Variants in PARD3B observed in about 807,000 individuals in gnomAD.
The protein encoded by PARD3B is par-3 family cell polarity regulator beta.
A neutral mutation model predicts 130.2 loss-of-function variants in PARD3B; 103 were observed. That is an observed-to-expected ratio of 0.79 (90% CI 0.67 to 0.93). PARD3B has a LOEUF of 0.93. Among genes scored for constraint, PARD3B ranks in the 40% least tolerant of loss-of-function variants. PARD3B has a pLI of 0.00. For missense variants in PARD3B, 1,609 were observed against 1,499.2 expected, an observed-to-expected ratio of 1.07 and a Z score of -1.21; for synonymous variants, 583 against 553.2, an observed-to-expected ratio of 1.05 and a Z score of -0.76.
chr2:204,803,163 A>AAT (rs1553528189), intron 2 of PARD3B, among the ~76,000 whole-genome samples: 1,171 of 90,596 alleles, frequency 0.013, 12 homozygotes, highest in Middle Eastern at 0.036. Context: ...AAAAAAAAAA[A>AAT]ATATATATAT....
At chr2:204,783,474 C>T (rs1168379036) in intron 2 of PARD3B, among the ~76,000 whole-genome samples, 2 of 152,100 alleles carry the variant, frequency 1.3e-5, no homozygotes, top group Non-Finnish European at 2.9e-5. Context: ...CCTCAAGGGC[C>T]TATCTCCAGA....
At chr2:205,596,519 A>G (rs951194791) in intron 22 of PARD3B, among the ~76,000 whole-genome samples, 1 of 152,184 alleles carries the variant, frequency 6.6e-6, no homozygotes, top group African/African-American at 2.4e-5. Flanking sequence ...AGCTTAGCAT[A>G]GACTGAAATG....
intron 1 of PARD3B, among the ~76,000 whole-genome samples, chr2:204,676,166 AG>A (rs1174248143): frequency 6.6e-6 from 1 of 151,850 alleles, no homozygotes; most frequent in Non-Finnish European, 1.5e-5. Flanking sequence ...ACTATTTTAG[AG>A]TGAGAAAACA....
At chr2:204,773,428 T>C (rs2041475797) in intron 2 of PARD3B, among the ~76,000 whole-genome samples, 1 of 152,080 alleles carries the variant, frequency 6.6e-6, no homozygotes. Context: ...CTGTAACACA[T>C]GTTGTTTTAT....
At chr2:205,494,471 A>G (rs1053463346) in intron 20 of PARD3B, among the ~76,000 whole-genome samples, 4 of 152,068 alleles carry the variant, frequency 2.6e-5, no homozygotes, top group African/African-American at 9.7e-5. Context: ...TTTGCACCCC[A>G]TTCCGTTTTA....
intron 2 of PARD3B, among the ~76,000 whole-genome samples, chr2:204,844,579 C>T (rs536363284): frequency 2.0e-5 from 3 of 152,082 alleles, no homozygotes; most frequent in Non-Finnish European, 4.4e-5. Context: ...AACGTGTGAG[C>T]ACCTGGATGG....
intron 3 of PARD3B, among the ~76,000 whole-genome samples, chr2:205,035,773 A>G (rs1697776960): frequency 7.2e-6 from 1 of 138,808 alleles, no homozygotes; most frequent in Non-Finnish European, 1.5e-5. Flanking sequence ...CACTATATCT[A>G]TCTATCGGAG....
chr2:204,742,959 C>T (rs2040069218), intron 2 of PARD3B, among the ~76,000 whole-genome samples: 1 of 152,128 alleles, frequency 6.6e-6, no homozygotes, highest in Non-Finnish European at 1.5e-5. Flanking sequence ...AGCTTTTTCT[C>T]AGAGTTTGTC....
At chr2:205,372,993 G>T (rs1462546603) in intron 18 of PARD3B, among the ~76,000 whole-genome samples, 1 of 152,106 alleles carries the variant, frequency 6.6e-6, no homozygotes, top group East Asian at 1.9e-4. Flanking sequence ...AATGAATGAT[G>T]AATTATTTTT....
chr2:204,912,171 T>C (rs1218999198), intron 2 of PARD3B, among the ~76,000 whole-genome samples: 1 of 152,120 alleles, frequency 6.6e-6, no homozygotes. Flanking sequence ...ACATGTAGGG[T>C]ATTTTGATAT....
At chr2:205,152,561 G>C (rs1481746554) in intron 10 of PARD3B, among the ~76,000 whole-genome samples, 1 of 152,088 alleles carries the variant, frequency 6.6e-6, no homozygotes, top group African/African-American at 2.4e-5. Flanking sequence ...ACTGAAGCTT[G>C]TGCATGTGTC....
At chr2:204,638,805 G>A (rs923226401) in intron 1 of PARD3B, among the ~76,000 whole-genome samples, 1 of 152,132 alleles carries the variant, frequency 6.6e-6, no homozygotes, top group African/African-American at 2.4e-5. Context: ...CATATAGTTC[G>A]TAACAGAGTG....
At chr2:204,695,282 T>C (rs967508897) in intron 2 of PARD3B, among the ~76,000 whole-genome samples, 2 of 152,010 alleles carry the variant, frequency 1.3e-5, no homozygotes, top group African/African-American at 4.8e-5. Context: ...CATCTGTTTT[T>C]TTACTTATGT....
intron 1 of PARD3B, among the ~76,000 whole-genome samples, chr2:204,587,527 A>G (rs1254711313): frequency 1.3e-5 from 2 of 152,202 alleles, no homozygotes; most frequent in African/African-American, 4.8e-5. Context: ...AAATACAAGA[A>G]GTAGGTTTTT....
At chr2:204,990,975 C>A (rs4675482) in intron 3 of PARD3B, among the ~76,000 whole-genome samples, 144,001 of 152,266 alleles carry the variant, frequency 0.95, 68,472 homozygotes, top group East Asian at 1. Context: ...TGTCATTTCT[C>A]TACAGGAACA....
Position 205,230,692 on chromosome 2 carries a change from C to A in PARD3B, c.2141-15086C>A, listed in dbSNP as rs965689656. Among the ~76,000 whole-genome samples the A allele has an allele frequency of 1.3e-5, 2 of 152,180 alleles. No homozygotes were observed. The highest frequency in any genetic ancestry group is 1.3e-4 in the Admixed American group (2 of 15,274). ...TCCACTTACTCCAAGCCCAGCACAG[C>A]ATCAAGACTTGCCCAGTAATTGCAG... On this transcript the variant is annotated intron_variant, in intron 15 of 22. Transcript: ENST00000406610. The surrounding 1 kb of genome is among the most constrained non-coding windows in gnomAD (Gnocchi z 4.1).
intron 1 of PARD3B, among the ~76,000 whole-genome samples, chr2:204,646,130 A>G (rs1252729005): frequency 6.6e-6 from 1 of 152,122 alleles, no homozygotes; most frequent in Non-Finnish European, 1.5e-5. Context: ...CATAAAGCAT[A>G]TATACTTTAA....
chr2:205,149,351 T>A (rs2033589601), intron 10 of PARD3B, among the ~76,000 whole-genome samples: 1 of 152,080 alleles, frequency 6.6e-6, no homozygotes, highest in South Asian at 2.1e-4. Flanking sequence ...GTCCTGGGAT[T>A]ACAGGCATGA....
chr2:204,628,443 A>G (rs2034562161), intron 1 of PARD3B, among the ~76,000 whole-genome samples: 1 of 152,138 alleles, frequency 6.6e-6, no homozygotes, highest in Non-Finnish European at 1.5e-5. Flanking sequence ...AAATTTAAAG[A>G]GAGGGGAGAG....
Sources: gnomAD v4.1 joint callset for allele counts (sites outside exome capture counted in the v4.1 genomes callset) on GRCh38, gnomAD v4.1.1 for gene constraint, Gnocchi (gnomAD v3.1) non-coding constraint, MANE v1.5 for transcripts, NCBI Gene and HGNC (gene_info 2026-07-23, HGNC 2026-07-21) for gene names.